LARGE1: variants seen among roughly 807,000 people sequenced by gnomAD.
LARGE1 encodes the protein xylosyl- and glucuronyltransferase LARGE1.
A neutral mutation model predicts 87.6 loss-of-function variants in LARGE1; 43 were observed. That is an observed-to-expected ratio of 0.49 (90% CI 0.38 to 0.63). The LOEUF (loss-of-function observed/expected upper bound fraction) is 0.63. Among genes scored for constraint, LARGE1 ranks in the 30% least tolerant of loss-of-function variants. The probability of loss-of-function intolerance (pLI) is 0.00; values close to 1 mark genes in which losing one functional copy is unlikely to be tolerated. For missense variants in LARGE1, 802 were observed against 1,000.2 expected, an observed-to-expected ratio of 0.80 and a Z score of 2.67; for synonymous variants, 434 against 394.6, an observed-to-expected ratio of 1.10 and a Z score of -1.18.
chr22:33,578,753 C>T (rs973557452), intron 5 of LARGE1, among the ~76,000 whole-genome samples: 1 of 152,158 alleles, frequency 6.6e-6, no homozygotes, highest in Non-Finnish European at 1.5e-5. Flanking sequence ...ATGATTATTA[C>T]ACAGTGAAAT....
At chr22:33,396,167 G>A (rs931837044) in intron 7 of LARGE1, among the ~76,000 whole-genome samples, 13 of 152,218 alleles carry the variant, frequency 8.5e-5, no homozygotes, top group African/African-American at 2.7e-4. Context: ...TGCTCAGCAG[G>A]AGGCTCTGGG....
chr22:33,441,819 G>A (rs2067490421), intron 6 of LARGE1, among the ~76,000 whole-genome samples: 1 of 152,028 alleles, frequency 6.6e-6, no homozygotes, highest in African/African-American at 2.4e-5. Flanking sequence ...TATTTCATAG[G>A]GCTTCACTGG....
chr22:33,200,514 G>T (rs1009123849), intron 11 of LARGE1, among the ~76,000 whole-genome samples: 12 of 152,092 alleles, frequency 7.9e-5, no homozygotes, highest in African/African-American at 2.9e-4. Context: ...GATCGAAAAC[G>T]TATGTCCACA....
intron 1 of LARGE1, among the ~76,000 whole-genome samples, chr22:33,880,529 C>T (rs113289274): frequency 2.0e-5 from 3 of 152,280 alleles, no homozygotes; most frequent in South Asian, 2.1e-4. Flanking sequence ...CTGCCATGTG[C>T]GGCCTGAAGG....
intron 1 of LARGE1, among the ~76,000 whole-genome samples, chr22:33,774,237 AAGAATCAAT>A (rs1302063380): frequency 7.3e-6 from 1 of 137,570 alleles, no homozygotes; most frequent in Non-Finnish European, 1.6e-5. Context: ...TTCTCTCATG[AAGAATCAAT>A]AGGCTTCCTT....
chr22:33,840,435 A>G (rs1423703916), intron 1 of LARGE1, among the ~76,000 whole-genome samples: 1 of 152,210 alleles, frequency 6.6e-6, no homozygotes, highest in African/African-American at 2.4e-5. Flanking sequence ...CAAAATACTG[A>G]GAGTAATATA....
chr22:33,406,713 C>T (rs150894606), intron 7 of LARGE1, among the ~76,000 whole-genome samples: 1 of 152,274 alleles, frequency 6.6e-6, no homozygotes, highest in African/African-American at 2.4e-5. Context: ...GAATTTGGGG[C>T]CTCATCCTGA....
In LARGE1 at chr22:33,878,129, C is replaced by CTTTTT. The variant is rs1186663464; in HGVS notation, c.-83+41861_-83+41865dup. Among the ~76,000 whole-genome samples the CTTTTT allele has an allele frequency of 5.9e-3, 262 of 44,618 alleles. 49 individuals are homozygous for CTTTTT. Among genetic ancestry groups the CTTTTT allele is most frequent in the African/African-American group, 0.013 (220 of 16,604 alleles). The allele number at this position is 44,618 out of a possible 152,430, so 29.3% of individuals were successfully genotyped here. A position where few individuals can be genotyped will look rare whatever the true frequency, so the allele number is the denominator to read the frequency against. ...TATGTATGTTGTTTATATTGTATTTCTTTTTTTTTTTTTTTTTTTTTTTTT... is the reference window on the plus strand; with the variant it reads ...TATGTATGTTGTTTATATTGTATTTCTTTTTTTTTTTTTTTTTTTTTTTTTTTTTT... On this transcript the variant is annotated intron_variant, in intron 1 of 14. Transcript: ENST00000397394.
chr22:33,187,732 C>A (rs776824351), intron 11 of LARGE1, among the ~76,000 whole-genome samples: 2 of 151,604 alleles, frequency 1.3e-5, no homozygotes, highest in African/African-American at 2.4e-5. Context: ...TCCTGGCTAA[C>A]ACAGTGAAAT....
intron 1 of LARGE1, among the ~76,000 whole-genome samples, chr22:33,770,369 A>G (rs2085028801): frequency 6.6e-6 from 1 of 152,208 alleles, no homozygotes; most frequent in Non-Finnish European, 1.5e-5. Flanking sequence ...GCCAGGAGAA[A>G]CTGTTCCCTG....
At chr22:33,401,053 G>A (rs2065911014) in intron 7 of LARGE1, among the ~76,000 whole-genome samples, 1 of 152,128 alleles carries the variant, frequency 6.6e-6, no homozygotes, top group Non-Finnish European at 1.5e-5. Flanking sequence ...AGGAAAGAGA[G>A]TGTGTTTCTC....
At chr22:33,320,256 C>G (rs536589039) in intron 10 of LARGE1, among the ~76,000 whole-genome samples, 1 of 152,228 alleles carries the variant, frequency 6.6e-6, no homozygotes, top group African/African-American at 2.4e-5. Flanking sequence ...CTGCCTTTCC[C>G]TCACACCTCC....
chr22:33,241,170 CT>C (rs1392187519), intron 11 of LARGE1, among the ~76,000 whole-genome samples: 1 of 152,168 alleles, frequency 6.6e-6, no homozygotes, highest in African/African-American at 2.4e-5. Context: ...TTTTGTACTC[CT>C]GCTTCAGCTA....
intron 9 of LARGE1, among the ~76,000 whole-genome samples, chr22:33,377,263 G>A (rs776075752): frequency 5.9e-5 from 9 of 152,152 alleles, no homozygotes; most frequent in South Asian, 2.1e-4. Context: ...AAATGCCATC[G>A]TAACTTTACA....
chr22:33,079,329 G>A, the LARGE1 span, among the ~76,000 whole-genome samples: 28 of 143,686 alleles, frequency 1.9e-4, no homozygotes, highest in South Asian at 5.4e-3. Flanking sequence ...CTGGGTTCAC[G>A]CCATTCTCCT....
chr22:33,655,929 T>A (rs549351699), intron 2 of LARGE1, among the ~76,000 whole-genome samples: 1 of 152,226 alleles, frequency 6.6e-6, no homozygotes, highest in Non-Finnish European at 1.5e-5. Context: ...AGCATGGGAT[T>A]TGGAGTAAGA....
the LARGE1 span, among the ~76,000 whole-genome samples, chr22:33,148,198 C>G: frequency 6.6e-6 from 1 of 152,170 alleles, no homozygotes; most frequent in Non-Finnish European, 1.5e-5. Flanking sequence ...ACTTCAGAGC[C>G]TGGAGCCAAA....
intron 6 of LARGE1, among the ~76,000 whole-genome samples, chr22:33,489,844 C>A (rs1415156496): frequency 6.6e-6 from 1 of 152,174 alleles, no homozygotes; most frequent in African/African-American, 2.4e-5. Flanking sequence ...GAAGCAAACA[C>A]CACACTGCAG....
intron 2 of LARGE1, among the ~76,000 whole-genome samples, chr22:33,758,257 C>T (rs911393335): frequency 1.3e-5 from 2 of 152,298 alleles, no homozygotes; most frequent in South Asian, 4.1e-4. Flanking sequence ...AGGTAAACAT[C>T]CTCAATTCTT....
Sources: gnomAD v4.1 joint callset for allele counts (sites outside exome capture counted in the v4.1 genomes callset) on GRCh38, gnomAD v4.1.1 for gene constraint, MANE v1.5 for transcripts, NCBI Gene and HGNC (gene_info 2026-07-23, HGNC 2026-07-21) for gene names.